Variants in NCK2 observed in about 807,000 individuals in gnomAD.
The protein encoded by NCK2 is NCK adaptor protein 2.
In NCK2, 16 loss-of-function variants were observed where a neutral mutation model predicts 33.9. The ratio of observed to expected loss-of-function variants is 0.47; its 90% confidence interval spans 0.32 to 0.72. The LOEUF (loss-of-function observed/expected upper bound fraction) is 0.72. Ranked by LOEUF, NCK2 falls within the 30% of genes least tolerant of loss-of-function variation. The probability of loss-of-function intolerance (pLI) is 0.03; values close to 1 mark genes in which losing one functional copy is unlikely to be tolerated. For missense variants in NCK2, 418 were observed against 537.3 expected (o/e 0.78, Z 2.19); for synonymous variants, 273 against 239.9 (o/e 1.14, Z -1.27).
chr2:105,871,442 G>A (rs1678001244), intron 3 of NCK2, among the ~76,000 whole-genome samples: 1 of 152,142 alleles, frequency 6.6e-6, no homozygotes, highest in Non-Finnish European at 1.5e-5. Context: ...GTTGCCTGCA[G>A]TCTGCTCAGG....
At chr2:105,808,381 C>G (rs1675165455) in intron 1 of NCK2, among the ~76,000 whole-genome samples, 1 of 152,222 alleles carries the variant, frequency 6.6e-6, no homozygotes, top group Non-Finnish European at 1.5e-5. Flanking sequence ...TTGAAAATGA[C>G]AGCCTGGAAA....
intron 1 of NCK2, among the ~76,000 whole-genome samples, chr2:105,750,913 C>T (rs1338546107): frequency 2.0e-5 from 3 of 152,224 alleles, no homozygotes; most frequent in African/African-American, 4.8e-5. Flanking sequence ...TCTCTGTGAT[C>T]GTGCAGTCTT....
At chr2:105,856,550 G>A (rs1573210187) in intron 3 of NCK2, 2 of 152,342 alleles carry the variant, frequency 1.3e-5, no homozygotes, top group Non-Finnish European at 2.9e-5. Flanking sequence ...AATGTGGTGG[G>A]TGTTGCAAAA....
chr2:105,770,138 AAAAAG>A (rs1690084145), intron 1 of NCK2, among the ~76,000 whole-genome samples: 1 of 143,422 alleles, frequency 7.0e-6, no homozygotes, highest in East Asian at 2.0e-4. Context: ...AAAAAAAAAA[AAAAAG>A]AAAAAGGTAT....
At chr2:105,838,640 C>A (rs946517189) in intron 2 of NCK2, among the ~76,000 whole-genome samples, 2 of 152,056 alleles carry the variant, frequency 1.3e-5, no homozygotes, top group Non-Finnish European at 2.9e-5. Context: ...AAATGAAGCA[C>A]CTTAAATTTG....
At chr2:105,799,956 A>G (rs934050121) in intron 1 of NCK2, among the ~76,000 whole-genome samples, 1 of 152,244 alleles carries the variant, frequency 6.6e-6, no homozygotes, top group Admixed American at 6.5e-5. Context: ...GTTTGTAAGA[A>G]TCCCTCCCAA....
At chr2:105,807,706 TTTCC>T (rs796424750) in intron 1 of NCK2, among the ~76,000 whole-genome samples, 37 of 148,336 alleles carry the variant, frequency 2.5e-4, no homozygotes, top group South Asian at 6.7e-4. Context: ...TCTTTTCTTT[TTTCC>T]TTCCTTCCTT....
At chr2:105,762,122 A>G (rs1281522206) in intron 1 of NCK2, among the ~76,000 whole-genome samples, 1 of 152,204 alleles carries the variant, frequency 6.6e-6, no homozygotes, top group East Asian at 1.9e-4. Context: ...TTAAGGACAG[A>G]GTTTGTGGAA....
chr2:105,864,185 A>G (rs562021773), intron 3 of NCK2, among the ~76,000 whole-genome samples: 1 of 151,588 alleles, frequency 6.6e-6, no homozygotes, highest in East Asian at 2.0e-4. Context: ...GGGGGAGATG[A>G]GTGCTGGGGT....
intron 2 of NCK2, among the ~76,000 whole-genome samples, chr2:105,819,343 A>G (rs1549768): frequency 6.6e-6 from 1 of 151,498 alleles, no homozygotes; most frequent in South Asian, 2.1e-4. Flanking sequence ...AAAAAAAAAA[A>G]AGTCATTGGG....
At chr2:105,836,718 G>A (rs1676450962) in intron 2 of NCK2, among the ~76,000 whole-genome samples, 1 of 152,152 alleles carries the variant, frequency 6.6e-6, no homozygotes, top group Non-Finnish European at 1.5e-5. Context: ...GGGTCCAGCT[G>A]GTATCAAAAC....
chr2:105,821,980 C>G (rs536931922), intron 2 of NCK2, among the ~76,000 whole-genome samples: 3 of 151,780 alleles, frequency 2.0e-5, no homozygotes, highest in African/African-American at 7.2e-5. Context: ...ACCCATTCTC[C>G]AAGTGCTTAC....
chr2:105,751,292 T>C (rs1689447437), intron 1 of NCK2, among the ~76,000 whole-genome samples: 1 of 152,186 alleles, frequency 6.6e-6, no homozygotes, highest in African/African-American at 2.4e-5. Flanking sequence ...TGATTCTACC[T>C]CCAAAAGATC....
intron 3 of NCK2, chr2:105,855,571 CCT>C: frequency 3.5e-6 from 1 of 284,504 alleles, no homozygotes. Flanking sequence ...GTTAGAGGAG[CCT>C]GACTTGGAAT....
intron 1 of NCK2, among the ~76,000 whole-genome samples, chr2:105,793,217 A>G (rs1209626961): frequency 6.6e-6 from 1 of 151,800 alleles, no homozygotes; most frequent in Non-Finnish European, 1.5e-5. Flanking sequence ...ATATTCATGT[A>G]TTTTCTGGGA....
intron 1 of NCK2, among the ~76,000 whole-genome samples, chr2:105,753,631 T>C (rs1213703756): frequency 6.6e-6 from 1 of 151,934 alleles, no homozygotes; most frequent in African/African-American, 2.4e-5. Context: ...AAAACAGGAG[T>C]GTGTGTCTTC....
At chr2:105,825,555 T>C (rs1319762960) in intron 2 of NCK2, among the ~76,000 whole-genome samples, 1 of 152,160 alleles carries the variant, frequency 6.6e-6, no homozygotes, top group Non-Finnish European at 1.5e-5. Context: ...TTTTCCACTT[T>C]GGAGATTCTG....
At chr2:105,827,221 G>A (rs11124061) in intron 2 of NCK2, among the ~76,000 whole-genome samples, 95,330 of 151,914 alleles carry the variant, frequency 0.63, 30,831 homozygotes, top group African/African-American at 0.79. Flanking sequence ...GGATGGTCTC[G>A]ATCTCCTGAC....
intron 4 of NCK2, among the ~76,000 whole-genome samples, chr2:105,888,724 C>G (rs968346463): frequency 6.6e-6 from 1 of 152,188 alleles, no homozygotes; most frequent in African/African-American, 2.4e-5. Context: ...GGCATTGTGG[C>G]TGCCTCTTTG....
Sources: gnomAD v4.1 joint callset for allele counts (sites outside exome capture counted in the v4.1 genomes callset) on GRCh38, gnomAD v4.1.1 for gene constraint, MANE v1.5 for transcripts, NCBI Gene and HGNC (gene_info 2026-07-23, HGNC 2026-07-21) for gene names.